Variants in RAMP1 observed in about 807,000 individuals in gnomAD.
The protein encoded by RAMP1 is receptor activity-modifying protein 1.
Under a neutral mutation model 8.2 loss-of-function variants are expected in RAMP1, and 7 were observed. The ratio of observed to expected loss-of-function variants is 0.85; its 90% CI spans 0.49 to 1.60. The LOEUF (loss-of-function observed/expected upper bound fraction) is 1.60, where lower values mean the gene tolerates loss of function less well. Ranked by LOEUF, RAMP1 falls within the 40% of genes most tolerant of loss-of-function variation. The pLI, the probability that RAMP1 is intolerant of heterozygous loss-of-function variation, is 0.00. For synonymous variants in RAMP1, 92 were observed against 84.7 expected, an observed-to-expected ratio of 1.09 and a Z score of -0.47; for missense variants, 192 against 202.4, an observed-to-expected ratio of 0.95 and a Z score of 0.31.
At chr2:237,870,345 T>C (rs896777560) in intron 1 of RAMP1, among the ~76,000 whole-genome samples, 1 of 152,230 alleles carries the variant, frequency 6.6e-6, no homozygotes, top group Non-Finnish European at 1.5e-5. Flanking sequence ...GGAGCACCCA[T>C]GTCCCTGCCT....
rs545534629 is a variant in RAMP1 at position 237,902,885 on chromosome 2, A to G, written c.192-8643A>G. Among the ~76,000 whole-genome samples, 3 of 152,210 alleles carry G rather than the reference A, an allele frequency of 2.0e-5. No homozygotes were observed. The East Asian group carries it at 5.8e-4, about 29-fold the overall frequency. ...AGAAAACCCAAAAAAGTTGAGAGAAAAGTCCTTCGTGTTATTACCATTCTG... is the reference window on the plus strand; with the variant it reads ...AGAAAACCCAAAAAAGTTGAGAGAAGAGTCCTTCGTGTTATTACCATTCTG... On this transcript the variant is annotated intron_variant, in intron 2 of 2. Coordinates refer to ENST00000254661, the MANE Select transcript of RAMP1 (RefSeq NM_005855.4).
rs191448477 is a variant in RAMP1, at chr2:237,878,893, G to A, written c.191+1531G>A. Among the ~76,000 whole-genome samples, 12 of 152,334 alleles carry A rather than the reference G, an allele frequency of 7.9e-5. No individual in the cohort carries two copies. The highest frequency in any genetic ancestry group is 1.6e-4 in the Non-Finnish European group (11 of 68,026). On this transcript the variant is annotated intron_variant, in intron 2 of 2. Coordinates refer to ENST00000254661, the MANE Select transcript of RAMP1 (RefSeq NM_005855.4). The surrounding 1 kb of genome is among the most constrained non-coding windows in gnomAD (Gnocchi z 5.7). ...CCGAAGGTGGGAGGGCCAAAGTCACGGCTCCAGCCTCAAAGGCCCCTGATA... is the reference window on the plus strand; with the variant it reads ...CCGAAGGTGGGAGGGCCAAAGTCACAGCTCCAGCCTCAAAGGCCCCTGATA...
chr2:237,879,488 A>T (rs189457151), intron 2 of RAMP1, among the ~76,000 whole-genome samples: 1 of 136,964 alleles, frequency 7.3e-6, no homozygotes, highest in Admixed American at 7.2e-5. Context: ...TCGTTTTTTT[A>T]TTATTATTAT....
At chr2:237,897,860 G>A (rs1302489335) in intron 2 of RAMP1, among the ~76,000 whole-genome samples, 5 of 151,958 alleles carry the variant, frequency 3.3e-5, no homozygotes, top group Non-Finnish European at 1.5e-5. Flanking sequence ...GTGCAGTGGT[G>A]CAACCTCAGC....
intron 2 of RAMP1, among the ~76,000 whole-genome samples, chr2:237,879,537 C>T (rs28453086): frequency 0.022 from 3,208 of 143,794 alleles, 4 homozygotes; most frequent in African/African-American, 0.08. Flanking sequence ...ATGTGCACAA[C>T]GTGCAGGTTT....
chr2:237,893,572 CTTTTTCCAGATACA>C (rs927151763), intron 2 of RAMP1, among the ~76,000 whole-genome samples: 1 of 152,198 alleles, frequency 6.6e-6, no homozygotes, highest in South Asian at 2.1e-4. Context: ...ATGTTACATC[CTTTTTCCAGATACA>C]TTTTTCCAGA....
At chr2:237,906,220 A>G (rs1474037126) in intron 2 of RAMP1, among the ~76,000 whole-genome samples, 1 of 152,010 alleles carries the variant, frequency 6.6e-6, no homozygotes, top group Non-Finnish European at 1.5e-5. Flanking sequence ...TTGAAACATG[A>G]GTCCTTGTTC....
At chr2:237,869,794 T>G (rs962547613) in intron 1 of RAMP1, 1 of 152,200 alleles carries the variant, frequency 6.6e-6, no homozygotes, top group African/African-American at 2.4e-5. Flanking sequence ...ATACCCCGGA[T>G]CATTAGGTGG....
chr2:237,911,256 C>T (rs1297031814), intron 2 of RAMP1, among the ~76,000 whole-genome samples: 1 of 152,238 alleles, frequency 6.6e-6, no homozygotes, highest in Non-Finnish European at 1.5e-5. Flanking sequence ...CCCAGCCTGG[C>T]TTGTCCTCCT....
Position 237,911,621 on chromosome 2 carries a change from A to G in RAMP1, c.285A>G (p.Ala95=), listed in dbSNP as rs1339729660. The change falls in exon 3 of 3, where the codon GCA becomes GCG. Residue 95 remains alanine (A), a synonymous_variant. Transcript: ENST00000254661. ...PNAEVDRFFL[A]VHGRYFRSCP... is the part of the protein sequence containing the mutation. Reference sequence around the variant, plus strand: ...CAGAGGTGGACAGGTTCTTCCTGGCAGTGCATGGCCGCTACTTCAGGAGCT... The same window carrying G: ...CAGAGGTGGACAGGTTCTTCCTGGCGGTGCATGGCCGCTACTTCAGGAGCT... 1.9e-6 allele frequency: 3 copies of G among 1,614,004 alleles called. No homozygotes were observed. The highest frequency in any genetic ancestry group is 2.5e-6 in the Non-Finnish European group (3 of 1,180,010).
rs1472917099 is a variant in RAMP1 at position 237,862,515 on chromosome 2, T to C, written c.52+2788T>C. On this transcript the variant is annotated intron_variant, in intron 1 of 2. Transcript: ENST00000254661. The surrounding 1 kb of genome is among the most constrained non-coding windows in gnomAD (Gnocchi z 4.0). ...AGGTGGAATCTTTAGTTAAGGCTAG[T>C]TGGAAAAGTCTGTCCTGATTTTTTT... is the stretch of plus-strand genomic sequence containing the variant. 6.6e-6 allele frequency among the ~76,000 whole-genome samples: 1 copy of C among 152,236 alleles called. No homozygotes were observed.
chr2:237,879,209 C>CT (rs1285453017), intron 2 of RAMP1, among the ~76,000 whole-genome samples: 2 of 152,172 alleles, frequency 1.3e-5, no homozygotes, highest in Admixed American at 1.3e-4. Flanking sequence ...GAAAAGCACT[C>CT]TCCCCCGCCT....
upstream of RAMP1, among the ~76,000 whole-genome samples, chr2:237,859,393 G>A (rs947067366): frequency 6.6e-5 from 10 of 152,182 alleles, no homozygotes; most frequent in African/African-American, 2.4e-4. Context: ...TTTGCTCGGA[G>A]AACATTTCAG....
At chr2:237,909,312 T>G (rs1258091942) in intron 2 of RAMP1, among the ~76,000 whole-genome samples, 1 of 152,046 alleles carries the variant, frequency 6.6e-6, no homozygotes, top group Non-Finnish European at 1.5e-5. Flanking sequence ...AAACAATGGG[T>G]AACAGCGGTC....
At chr2:237,882,621 C>A (rs2062382171) in intron 2 of RAMP1, among the ~76,000 whole-genome samples, 1 of 152,202 alleles carries the variant, frequency 6.6e-6, no homozygotes, top group Non-Finnish European at 1.5e-5. Context: ...ATGTCCCTAC[C>A]AACCTGGTGA....
rs562235177 is a variant in RAMP1, at chr2:237,859,822, G to A, written c.52+95G>A. 4.4e-6 allele frequency: 5 copies of A among 1,131,968 alleles called. No individual in the cohort carries two copies. In the South Asian group the frequency reaches 7.0e-5, roughly 16 times the overall value. 70.1% of individuals were successfully genotyped at this position (1,131,968 alleles called of 1,614,324 possible). On this transcript the variant is annotated intron_variant, in intron 1 of 2. Transcript: ENST00000254661. The stretch of plus-strand genomic sequence containing the variant: ...GGGGAGCGGGTGGGAGCGGGTGGGA[G>A]CGGGTGGGGGCGGGCGCCGCGGGCG...
intron 2 of RAMP1, among the ~76,000 whole-genome samples, chr2:237,909,308 T>C (rs2062684821): frequency 6.6e-6 from 1 of 152,006 alleles, no homozygotes; most frequent in Non-Finnish European, 1.5e-5. Context: ...TACAAAACAA[T>C]GGGTAACAGC....
chr2:237,863,723 G>A (rs1209791051), intron 1 of RAMP1, among the ~76,000 whole-genome samples: 1 of 151,742 alleles, frequency 6.6e-6, no homozygotes, highest in Non-Finnish European at 1.5e-5. Context: ...TGGCAGGAGT[G>A]CAGGGCTATG....
intron 1 of RAMP1, among the ~76,000 whole-genome samples, chr2:237,871,042 G>A (rs571930000): frequency 2.1e-4 from 32 of 152,340 alleles, no homozygotes; most frequent in African/African-American, 7.2e-4. Flanking sequence ...GGCTTTGGCG[G>A]GGTAAGCGGC....
Sources: allele counts gnomAD v4.1 joint callset (sites outside exome capture counted in the v4.1 genomes callset), GRCh38; gene constraint gnomAD v4.1.1; non-coding constraint Gnocchi (gnomAD v3.1); transcripts MANE v1.5; gene names NCBI Gene and HGNC (gene_info 2026-07-23, HGNC 2026-07-21).